Variants in CPVL observed in about 807,000 individuals in gnomAD.
CPVL encodes the protein carboxypeptidase vitellogenic like, also known as probable serine carboxypeptidase CPVL.
Under a neutral mutation model 63.7 loss-of-function variants are expected in CPVL, and 51 were observed. The observed-to-expected ratio is 0.80, with a 90% CI of 0.64 to 1.01. The LOEUF is 1.01. CPVL is among the 50% of genes least tolerant of loss of function. The probability of loss-of-function intolerance (pLI) is 0.00; values close to 1 mark genes in which losing one functional copy is unlikely to be tolerated. For missense variants in CPVL, 530 were observed against 573.1 expected, an observed-to-expected ratio of 0.92 and a Z score of 0.77; for synonymous variants, 195 against 206.0, an observed-to-expected ratio of 0.95 and a Z score of 0.46.
chr7:29,097,324 C>T (rs1786540062), intron 3 of CPVL, among the ~76,000 whole-genome samples: 1 of 152,192 alleles, frequency 6.6e-6, no homozygotes, highest in Admixed American at 6.5e-5. Context: ...GCTAAGTACA[C>T]AGAACACTGA....
rs1289838311 is a variant in CPVL, at chr7:29,033,660, G to A, written c.1138-2901C>T. 2.0e-5 allele frequency among the ~76,000 whole-genome samples: 3 copies of A among 152,204 alleles called. No homozygotes were observed. In the East Asian group the frequency reaches 5.8e-4, roughly 29 times the overall value. On this transcript the variant is annotated intron_variant, in intron 11 of 12. Coordinates refer to ENST00000265394, the MANE Select transcript of CPVL (RefSeq NM_031311.5). The stretch of plus-strand genomic sequence containing the variant: ...GAGACAGAGATGAATGCAGCTTTTA[G>A]CTACACTTCCCTTGTCAATAGTGAT...
intron 11 of CPVL, among the ~76,000 whole-genome samples, chr7:29,039,233 C>T (rs961194565): frequency 1.3e-5 from 2 of 152,172 alleles, no homozygotes; most frequent in East Asian, 3.8e-4. Context: ...GCAGTTTATT[C>T]ATGAGTTTAA....
chr7:29,159,734 T>A (rs1007311896), intron 5 of CPVL, among the ~76,000 whole-genome samples: 1 of 152,324 alleles, frequency 6.6e-6, no homozygotes, highest in African/African-American at 2.4e-5. Flanking sequence ...TCCCTTTTAC[T>A]CTGTCCTGTC....
intron 5 of CPVL, among the ~76,000 whole-genome samples, chr7:29,165,438 G>A (rs544320101): frequency 4.6e-5 from 7 of 152,116 alleles, no homozygotes; most frequent in African/African-American, 1.7e-4. Flanking sequence ...AGGTTTCTTA[G>A]ATTTTTTTTA....
intron 3 of CPVL, among the ~76,000 whole-genome samples, chr7:29,102,400 C>T (rs745544182): frequency 6.6e-6 from 1 of 151,844 alleles, no homozygotes; most frequent in Non-Finnish European, 1.5e-5. Context: ...TGGAGAGACA[C>T]TAGATTAAGT....
chr7:29,194,955 G>A (rs1189565844), intron 1 of CPVL: 5 of 1,576,104 alleles, frequency 3.2e-6, no homozygotes, highest in Admixed American at 1.8e-5. Context: ...GCAGCGTCCA[G>A]CAACTCCAGC....
Position 28,996,549 on chromosome 7 carries a change from C to CA in CPVL, c.1321-668dup, listed in dbSNP as rs549584191. Among the ~76,000 whole-genome samples, 1,128 of 113,460 alleles carry CA rather than the reference C, an allele frequency of 9.9e-3. 10 individuals carry two copies. Among genetic ancestry groups the CA allele is most frequent in the East Asian group, 0.013 (45 of 3,460 alleles). 74.4% of individuals were successfully genotyped at this position (113,460 alleles called of 152,430 possible). On this transcript the variant is annotated intron_variant, in intron 12 of 12. Coordinates refer to ENST00000265394, the MANE Select transcript of CPVL (RefSeq NM_031311.5). ...TCTCTTAAAAAAAAAAACCAAAAAA[C>CA]AAAAAAAAAAAAAACAAAACAAAAA...
chr7:29,161,295 C>T (rs1462706349), intron 5 of CPVL, among the ~76,000 whole-genome samples: 1 of 152,148 alleles, frequency 6.6e-6, no homozygotes, highest in African/African-American at 2.4e-5. Flanking sequence ...AACCCCGTTA[C>T]CAAGTGAATC....
chr7:29,002,866 C>CAAA (rs373207674), intron 12 of CPVL, among the ~76,000 whole-genome samples: 2,214 of 124,240 alleles, frequency 0.018, 28 homozygotes, highest in Non-Finnish European at 0.022. Context: ...TATGAAAATT[C>CAAA]AAAAAAAAAA....
chr7:29,066,399 T>C (rs1783142275), intron 9 of CPVL, among the ~76,000 whole-genome samples: 1 of 152,114 alleles, frequency 6.6e-6, no homozygotes, highest in Non-Finnish European at 1.5e-5. Flanking sequence ...TGGTAGACAG[T>C]GATAAACTCT....
At chr7:29,139,702 T>C (rs751082576) in intron 1 of CPVL, among the ~76,000 whole-genome samples, 32 of 152,116 alleles carry the variant, frequency 2.1e-4, no homozygotes, top group Non-Finnish European at 3.1e-4. Flanking sequence ...ACAAGAATGG[T>C]GGAAAGAGTC....
chr7:29,163,915 C>G (rs1352968556), intron 5 of CPVL, among the ~76,000 whole-genome samples: 1 of 152,192 alleles, frequency 6.6e-6, no homozygotes. Flanking sequence ...TGTCCATTTA[C>G]TTGTTCAAGG....
intron 1 of CPVL, among the ~76,000 whole-genome samples, chr7:29,139,598 C>T (rs1791638490): frequency 6.6e-6 from 1 of 152,132 alleles, no homozygotes; most frequent in East Asian, 1.9e-4. Context: ...TTTTAAAAAT[C>T]CTATTAAAAT....
chr7:29,133,778 T>C (rs957011575), intron 1 of CPVL, among the ~76,000 whole-genome samples: 8 of 152,338 alleles, frequency 5.3e-5, no homozygotes, highest in East Asian at 1.9e-4. Flanking sequence ...GATCAAATTT[T>C]TGTTGTTAGA....
intron 5 of CPVL, among the ~76,000 whole-genome samples, chr7:29,093,871 A>G (rs1023932463): frequency 4.6e-5 from 7 of 152,362 alleles, no homozygotes; most frequent in Non-Finnish European, 7.3e-5. Flanking sequence ...CTTTTGGACC[A>G]TCTGAAAAGT....
chr7:29,167,944 G>A (rs1266267913), intron 5 of CPVL, among the ~76,000 whole-genome samples: 1 of 152,168 alleles, frequency 6.6e-6, no homozygotes, highest in Non-Finnish European at 1.5e-5. Context: ...CAACATCGGA[G>A]GTAACTGTTG....
At chr7:29,110,665 T>C (rs1158836930) in intron 3 of CPVL, among the ~76,000 whole-genome samples, 1 of 152,220 alleles carries the variant, frequency 6.6e-6, no homozygotes, top group Non-Finnish European at 1.5e-5. Flanking sequence ...TACAGAATAA[T>C]AACTCCCTAA....
intron 3 of CPVL, among the ~76,000 whole-genome samples, chr7:29,100,730 C>T (rs1401033673): frequency 6.6e-6 from 1 of 152,198 alleles, no homozygotes; most frequent in East Asian, 1.9e-4. Context: ...CCTCCAGCCT[C>T]AGCTGACCTT....
Position 29,064,060 on chromosome 7 carries a change from C to G in CPVL, c.1137+1G>C. On this transcript the variant is annotated splice_donor_variant, in intron 11 of 12. Coordinates refer to ENST00000265394, the MANE Select transcript of CPVL (RefSeq NM_031311.5). LOFTEE classifies it high-confidence loss of function. ...AATAGTAACTGAAGTAGCTCTCTTACCTTATAATTATTCATGATTTCAGTT... is the reference window on the plus strand; with the variant it reads ...AATAGTAACTGAAGTAGCTCTCTTAGCTTATAATTATTCATGATTTCAGTT... 6.2e-7 allele frequency: 1 copy of G among 1,605,476 alleles called. No homozygotes were observed. The highest frequency in any genetic ancestry group is 2.2e-5 in the East Asian group (1 of 44,792).
Sources: gnomAD v4.1 joint callset for allele counts (sites outside exome capture counted in the v4.1 genomes callset) on GRCh38, gnomAD v4.1.1 for gene constraint, MANE v1.5 for transcripts, NCBI Gene and HGNC (gene_info 2026-07-23, HGNC 2026-07-21) for gene names.